Variants in CALD1 observed in about 807,000 individuals in gnomAD.
CALD1 encodes the protein caldesmon.
CALD1 carries 33 observed loss-of-function variants against 99.9 expected under a neutral mutation model. That is an observed-to-expected ratio of 0.33 (90% CI 0.25 to 0.44). The LOEUF (loss-of-function observed/expected upper bound fraction) is 0.44. Ranked by LOEUF, CALD1 falls within the 20% of genes least tolerant of loss-of-function variation. CALD1 has a pLI of 1.00. For missense variants in CALD1, 861 were observed against 962.1 expected (o/e 0.89, Z 1.39); for synonymous variants, 310 against 325.0 (o/e 0.95, Z 0.50).
At chr7:134,851,208 C>A (rs1298659615) in intron 2 of CALD1, among the ~76,000 whole-genome samples, 2 of 152,114 alleles carry the variant, frequency 1.3e-5, no homozygotes, top group Non-Finnish European at 2.9e-5. Context: ...AAATAGTTAC[C>A]TCTTTGGTCC....
chr7:134,967,428 C>T (rs1808758772), intron 14 of CALD1, among the ~76,000 whole-genome samples: 1 of 152,100 alleles, frequency 6.6e-6, no homozygotes, highest in Non-Finnish European at 1.5e-5. Context: ...TTGGAATTCA[C>T]AACACTTTAA....
rs1797181762 is a variant in CALD1 at position 134,783,334 on chromosome 7, A to AC, written c.-130+3587dup. Reference sequence around the variant, plus strand: ...TCTTCCCCAGCTCCCCCATCCCTGTACCGGATAGGGAGCTTTCTTGATCCA... The same window carrying AC: ...TCTTCCCCAGCTCCCCCATCCCTGTACCCGGATAGGGAGCTTTCTTGATCCA... On this transcript the variant is annotated intron_variant, in intron 1 of 14. Transcript: ENST00000361675. The surrounding 1 kb of genome is among the most constrained non-coding windows in gnomAD (Gnocchi z 4.3). 6.6e-6 allele frequency among the ~76,000 whole-genome samples: 1 copy of AC among 152,084 alleles called. No individual in the cohort carries two copies. Among genetic ancestry groups the AC allele is most frequent in the Non-Finnish European group, 1.5e-5 (1 of 68,010 alleles).
At chr7:134,853,888 G>A (rs1304489033) in intron 2 of CALD1, among the ~76,000 whole-genome samples, 1 of 76,478 alleles carries the variant, frequency 1.3e-5, no homozygotes, top group Non-Finnish European at 2.4e-5. Context: ...ACAGGTCCCA[G>A]TGTGTGATGT....
intron 3 of CALD1, among the ~76,000 whole-genome samples, chr7:134,868,803 A>G (rs1449257454): frequency 7.1e-6 from 1 of 140,062 alleles, no homozygotes; most frequent in Non-Finnish European, 1.6e-5. Flanking sequence ...TGGTACCTGC[A>G]TTCTGTTGGT....
chr7:134,836,183 C>T (rs1162401902), intron 1 of CALD1, among the ~76,000 whole-genome samples: 1 of 141,992 alleles, frequency 7.0e-6, no homozygotes, highest in Admixed American at 7.0e-5. Context: ...TGATATGACT[C>T]TTACCCTTGC....
At chr7:134,881,455 T>C (rs1158819758) in intron 3 of CALD1, among the ~76,000 whole-genome samples, 1 of 152,196 alleles carries the variant, frequency 6.6e-6, no homozygotes, top group Non-Finnish European at 1.5e-5. Flanking sequence ...GGCTTCCTTA[T>C]CTATAAGAGA....
chr7:134,846,766 T>C (rs974546944), intron 2 of CALD1, among the ~76,000 whole-genome samples: 45 of 152,196 alleles, frequency 3.0e-4, no homozygotes, highest in African/African-American at 1.1e-3. Context: ...TTGTTTTAAA[T>C]GTACATTGAG....
chr7:134,870,376 G>T (rs2290361), intron 3 of CALD1, among the ~76,000 whole-genome samples: 79,350 of 152,022 alleles, frequency 0.52, 23,051 homozygotes, highest in African/African-American at 0.8. Context: ...CAGAACTAAA[G>T]TGCTGTGGTT....
intron 3 of CALD1, among the ~76,000 whole-genome samples, chr7:134,892,051 C>T (rs1449299951): frequency 6.6e-6 from 1 of 152,152 alleles, no homozygotes; most frequent in Non-Finnish European, 1.5e-5. Flanking sequence ...GATCCATTTG[C>T]AGGGCTCAGA....
chr7:134,820,853 A>C (rs1174155349), intron 1 of CALD1, among the ~76,000 whole-genome samples: 1 of 152,194 alleles, frequency 6.6e-6, no homozygotes, highest in Non-Finnish European at 1.5e-5. Flanking sequence ...CATCATTTTA[A>C]AAGATTTTTT....
rs199802906 is a variant in CALD1 at position 134,895,094 on chromosome 7, G to GAAATAAAT, written c.71+27329_71+27336dup. On this transcript the variant is annotated intron_variant, in intron 3 of 14. Transcript: ENST00000361675. Reference sequence around the variant, plus strand: ...GGAACTGAATCCAAAACAGTGCTGGGAAATAAATAAATAAATAAATAAATA... The same window carrying GAAATAAAT: ...GGAACTGAATCCAAAACAGTGCTGGGAAATAAATAAATAAATAAATAAATAAATAAATA... 6.1e-3 allele frequency among the ~76,000 whole-genome samples: 866 copies of GAAATAAAT among 143,040 alleles called. 7 individuals are homozygous for GAAATAAAT. The highest frequency in any genetic ancestry group is 8.1e-3 in the Non-Finnish European group (533 of 65,860). 93.8% of individuals were successfully genotyped at this position (143,040 alleles called of 152,430 possible).
At chr7:134,749,089 G>A (rs939409646) in intron 1 of CALD1, among the ~76,000 whole-genome samples, 2 of 152,190 alleles carry the variant, frequency 1.3e-5, no homozygotes, top group African/African-American at 2.4e-5. Context: ...AAGCCACCCA[G>A]TTTATAGTAT....
At chr7:134,742,012 T>C (rs11768639), upstream of CALD1, among the ~76,000 whole-genome samples, 88,390 of 147,194 alleles carry the variant, frequency 0.6, 26,577 homozygotes, top group East Asian at 0.87. Context: ...CTATGAGGTA[T>C]TGATACACAC....
chr7:134,867,684 C>G lies in CALD1; in HGVS notation c.-41-9C>G, dbSNP rs370783988. 1.5e-5 allele frequency: 17 copies of G among 1,137,348 alleles called. No homozygotes were observed. The African/African-American group carries it at 2.5e-4, about 16-fold the overall frequency. The allele number at this position is 1,137,348 out of a possible 1,614,324, so 70.5% of individuals were successfully genotyped here. ...ATCAATGATATTGACTCTACCTCCT[C>G]TCTTTCAGGTCCAGACATCATCTGG... On this transcript the variant is annotated splice_polypyrimidine_tract_variant and intron_variant, in intron 2 of 14. Transcript: ENST00000361675.
At chr7:134,895,016 A>G (rs901025292) in intron 3 of CALD1, among the ~76,000 whole-genome samples, 1 of 152,040 alleles carries the variant, frequency 6.6e-6, no homozygotes, top group African/African-American at 2.4e-5. Context: ...TTGTAAAATC[A>G]TGGAGTCAAG....
At position 134,807,938 on chromosome 7, in the gene CALD1, A is replaced by T. The variant is rs148375859; in HGVS notation, c.-130+28189A>T. Among the ~76,000 whole-genome samples, 7 of 152,066 alleles carry T rather than the reference A, an allele frequency of 4.6e-5. No individual in the cohort carries two copies. The East Asian group carries it at 1.4e-3, about 30-fold the overall frequency. ...CCACCGTGCCCGGCCGATTATCTCC[A>T]ATTTTTAGATGTAGGCACCATTTCC... On this transcript the variant is annotated intron_variant, in intron 1 of 14. Transcript: ENST00000361675.
At chr7:134,905,107 G>A (rs1191404943) in intron 3 of CALD1, among the ~76,000 whole-genome samples, 2 of 152,108 alleles carry the variant, frequency 1.3e-5, no homozygotes, top group African/African-American at 4.8e-5. Context: ...TCAGCCTTCT[G>A]TGGTGTTACT....
intron 2 of CALD1, among the ~76,000 whole-genome samples, chr7:134,849,839 C>A (rs1334157998): frequency 6.6e-6 from 1 of 152,180 alleles, no homozygotes; most frequent in African/African-American, 2.4e-5. Flanking sequence ...TGCCTCAACA[C>A]CCCCATGCCT....
At chr7:134,749,658 C>T (rs1796668349) in intron 1 of CALD1, among the ~76,000 whole-genome samples, 1 of 152,132 alleles carries the variant, frequency 6.6e-6, no homozygotes, top group African/African-American at 2.4e-5. Context: ...GATCCCGCCT[C>T]AGGGGATGCC....
Sources: allele counts gnomAD v4.1 joint callset (sites outside exome capture counted in the v4.1 genomes callset), GRCh38; gene constraint gnomAD v4.1.1; non-coding constraint Gnocchi (gnomAD v3.1); transcripts MANE v1.5; gene names NCBI Gene and HGNC (gene_info 2026-07-23, HGNC 2026-07-21).